The following VCL variants were observed in gnomAD, a reference collection of about 807,000 sequenced individuals.
VCL encodes the protein vinculin.
VCL carries 47 observed loss-of-function variants against 125.7 expected under a neutral mutation model. That is an observed-to-expected ratio of 0.37 (90% confidence interval 0.30 to 0.48). The LOEUF (loss-of-function observed/expected upper bound fraction) is 0.48, where lower values mean the gene tolerates loss of function less well. Ranked by LOEUF, VCL falls within the 20% of genes least tolerant of loss-of-function variation. The pLI is 0.99. For missense variants in VCL, 1,069 were observed against 1,455.5 expected (o/e 0.73, Z 4.32); for synonymous variants, 458 against 514.6 (o/e 0.89, Z 1.49).
intron 2 of VCL, among the ~76,000 whole-genome samples, chr10:74,064,775 C>T (rs927081244): frequency 2.0e-5 from 3 of 152,118 alleles, no homozygotes; most frequent in African/African-American, 7.2e-5. Context: ...TTGGATCACT[C>T]ATTCTTTTTA....
intron 2 of VCL, among the ~76,000 whole-genome samples, chr10:74,058,445 A>G (rs1374637862): frequency 6.6e-6 from 1 of 152,204 alleles, no homozygotes; most frequent in Non-Finnish European, 1.5e-5. Context: ...GTTCTGTTCC[A>G]TAGTACTTCA....
chr10:74,072,668 A>G, intron 4 of VCL, 62 bp from the exon 5 acceptor site: 2 of 1,612,804 alleles, frequency 1.2e-6, no homozygotes, highest in Non-Finnish European at 1.7e-6. Context: ...ATTTAGACTG[A>G]GAAAGCCAGA....
chr10:74,023,767 T>G (rs765851669), intron 1 of VCL, among the ~76,000 whole-genome samples: 5 of 152,240 alleles, frequency 3.3e-5, no homozygotes, highest in Admixed American at 6.5e-5. Flanking sequence ...TCTATTAATG[T>G]TCTATGAAGA....
intron 6 of VCL, 121 bp from the exon 7 acceptor site, chr10:74,082,333 C>T: frequency 2.0e-6 from 2 of 1,011,480 alleles, no homozygotes; most frequent in Non-Finnish European, 3.0e-6. Flanking sequence ...TTTTTAAGGC[C>T]TTCGTAGGAC....
At chr10:74,046,468 C>A (rs927853765) in intron 2 of VCL, among the ~76,000 whole-genome samples, 2 of 152,154 alleles carry the variant, frequency 1.3e-5, no homozygotes, top group Non-Finnish European at 2.9e-5. Context: ...GTCTTGAATT[C>A]CTGGGCTCAA....
chr10:74,041,124 A>G (rs889357723), intron 1 of VCL, among the ~76,000 whole-genome samples: 9 of 152,172 alleles, frequency 5.9e-5, no homozygotes, highest in African/African-American at 2.2e-4. Flanking sequence ...GCTGGGAATG[A>G]TAAGTGTGCA....
intron 2 of VCL, among the ~76,000 whole-genome samples, chr10:74,052,721 A>G (rs531318795): frequency 2.0e-5 from 3 of 151,310 alleles, no homozygotes; most frequent in Non-Finnish European, 4.4e-5. Flanking sequence ...TTTTTATCTA[A>G]TTTGTAGTCT....
intron 10 of VCL, among the ~76,000 whole-genome samples, chr10:74,091,815 G>A (rs10824068): frequency 0.028 from 2,402 of 85,402 alleles, 27 homozygotes; most frequent in African/African-American, 0.072. Context: ...AAAAAAAAAA[G>A]AAAAGAAAAG....
Position 74,039,509 on chromosome 10 carries a change from G to A in VCL, c.169-3574G>A, listed in dbSNP as rs116705736. 6.9e-3 allele frequency among the ~76,000 whole-genome samples: 1,052 copies of A among 152,012 alleles called. 11 individuals are homozygous for A. Among genetic ancestry groups the A allele is most frequent in the African/African-American group, 0.024 (1,012 of 41,458 alleles). On this transcript the variant is annotated intron_variant, in intron 1 of 21. Coordinates refer to ENST00000211998, the MANE Select transcript of VCL (RefSeq NM_014000.3). ...TTTTAAAAAGAAAATCAGGCCAGGC[G>A]TGGTGGCTCATGACTGTAATCCCAG... is the stretch of plus-strand genomic sequence containing the variant.
At chr10:74,056,682 C>T (rs1841397768) in intron 2 of VCL, among the ~76,000 whole-genome samples, 1 of 152,066 alleles carries the variant, frequency 6.6e-6, no homozygotes, top group African/African-American at 2.4e-5. Context: ...TGACTCCCTC[C>T]TAAAAACTGT....
intron 1 of VCL, among the ~76,000 whole-genome samples, chr10:74,031,272 G>C (rs370142632): frequency 1.3e-5 from 2 of 152,076 alleles, no homozygotes; most frequent in African/African-American, 4.8e-5. Flanking sequence ...GGTAAGAGTG[G>C]CTTTCCTCCT....
chr10:74,022,881 T>A (rs536422810), intron 1 of VCL, among the ~76,000 whole-genome samples: 2 of 152,258 alleles, frequency 1.3e-5, no homozygotes, highest in African/African-American at 2.4e-5. Flanking sequence ...CCCCAGGTGA[T>A]CCACCTGCCT....
rs1282051547 is a variant in VCL, at chr10:74,057,055, C to G, written c.240-13615C>G. The stretch of plus-strand genomic sequence containing the variant: ...AGACTTCTGGGATCAAACAATTCTC[C>G]CCTCAGCCTCCTGAATAGCTGGGGC... On this transcript the variant is annotated intron_variant, in intron 2 of 21. Transcript: ENST00000211998. Among the ~76,000 whole-genome samples, 13 of 152,018 alleles carry G rather than the reference C, an allele frequency of 8.6e-5. No individual in the cohort carries two copies. In the East Asian group the frequency reaches 2.3e-3, roughly 27 times the overall value.
At chr10:74,087,327 T>C (rs1839796774) in intron 8 of VCL, among the ~76,000 whole-genome samples, 1 of 148,328 alleles carries the variant, frequency 6.7e-6, no homozygotes, top group Admixed American at 6.7e-5. Context: ...TTATTTTTTT[T>C]TTTAGGTTTT....
chr10:74,112,071 G>C lies in VCL; in HGVS notation c.2908G>C (p.Ala970Pro), dbSNP rs776730962. 1 of 1,614,204 alleles carries C rather than the reference G, an allele frequency of 6.2e-7. No individual in the cohort carries two copies. The highest frequency in any genetic ancestry group is 8.5e-7 in the Non-Finnish European group (1 of 1,180,034). Residue 970 changes from alanine to proline, a missense_variant, in exon 19 of 22, where the codon GCT becomes CCT. Ala to Pro is a conservative substitution (Grantham distance 27, BLOSUM62 -1). Around this residue, in one of 6 missense-constraint regions of VCL, gnomAD observed 86 missense variants for 91.0 expected, o/e 0.95. Coordinates refer to ENST00000211998, the MANE Select transcript of VCL (RefSeq NM_014000.3). ...QPVNQPILAA[A>P]QSLHREATKW... ...GGTCAACCAGCCCATTCTGGCCGCGGCTCAGTCCTTGCATCGGGAAGCTAC... is the reference window on the plus strand; with the variant it reads ...GGTCAACCAGCCCATTCTGGCCGCGCCTCAGTCCTTGCATCGGGAAGCTAC...
intron 2 of VCL, among the ~76,000 whole-genome samples, chr10:74,061,907 C>CTT (rs11439344): frequency 0.48 from 62,355 of 129,066 alleles, 16,390 homozygotes; most frequent in Non-Finnish European, 0.56. Context: ...AACCAATCTA[C>CTT]TTTTTTTTTT....
chr10:74,024,180 A>AT (rs1433249417), intron 1 of VCL, among the ~76,000 whole-genome samples: 2 of 152,140 alleles, frequency 1.3e-5, no homozygotes, highest in Admixed American at 1.3e-4. Context: ...GAATAGAGTG[A>AT]TTTTGCTTGT....
intron 1 of VCL, among the ~76,000 whole-genome samples, chr10:74,023,350 C>T (rs1487516107): frequency 6.6e-6 from 1 of 152,166 alleles, no homozygotes; most frequent in African/African-American, 2.4e-5. Flanking sequence ...CATAAAGCCT[C>T]GGCATGTAGT....
chr10:74,107,083 G>C, intron 16 of VCL, 147 bp from the exon 17 acceptor site: 1 of 1,322,552 alleles, frequency 7.6e-7, no homozygotes, highest in East Asian at 2.5e-5. Context: ...GCCTTGTCCT[G>C]CCTCCCCCCT....
Sources: allele counts gnomAD v4.1 joint callset (sites outside exome capture counted in the v4.1 genomes callset), GRCh38; gene constraint gnomAD v4.1.1; regional missense constraint gnomAD v4.1.1; transcripts MANE v1.5; gene names NCBI Gene and HGNC (gene_info 2026-07-23, HGNC 2026-07-21).